PLXNA4: variants seen among roughly 807,000 people sequenced by gnomAD.
The protein encoded by PLXNA4 is plexin A4, also known as plexin-A4.
Under a neutral mutation model 191.8 loss-of-function variants are expected in PLXNA4, and 44 were observed. The ratio of observed to expected loss-of-function variants is 0.23; its 90% CI spans 0.18 to 0.29. The LOEUF (loss-of-function observed/expected upper bound fraction) is 0.29. Ranked by LOEUF, PLXNA4 falls within the 10% of genes least tolerant of loss-of-function variation. The pLI, the probability that PLXNA4 is intolerant of heterozygous loss-of-function variation, is 1.00. For synonymous variants in PLXNA4, 1,082 were observed against 1,009.5 expected (o/e 1.07, Z -1.36); for missense variants, 1,800 against 2,488.8 (o/e 0.72, Z 5.89).
chr7:132,228,047 A>G (rs1798389677), intron 6 of PLXNA4, among the ~76,000 whole-genome samples: 1 of 152,188 alleles, frequency 6.6e-6, no homozygotes, highest in African/African-American at 2.4e-5. Flanking sequence ...AGTTGAAGAT[A>G]TCATTCCCAA....
chr7:132,436,364 G>C (rs570994052), intron 3 of PLXNA4, among the ~76,000 whole-genome samples: 1 of 152,330 alleles, frequency 6.6e-6, no homozygotes, highest in South Asian at 2.1e-4. Flanking sequence ...TAAGGCCATG[G>C]CAACGAACAC....
At chr7:132,613,383 C>A (rs1803090726) in intron 2 of PLXNA4, among the ~76,000 whole-genome samples, 1 of 152,218 alleles carries the variant, frequency 6.6e-6, no homozygotes, top group South Asian at 2.1e-4. Context: ...CTGAATCCTC[C>A]ATATCACAGT....
At chr7:132,365,358 T>C (rs28419208) in intron 3 of PLXNA4, among the ~76,000 whole-genome samples, 8,746 of 133,480 alleles carry the variant, frequency 0.066, 316 homozygotes, top group African/African-American at 0.12. Context: ...TGTGTGTGTG[T>C]GTGCGTGCGC....
rs1803379980 is a variant in PLXNA4 at position 132,626,639 on chromosome 7, AG to A, written c.-87+19288del. ...CACTTTGCTTTCCACCATGTGTAAA[AG>A]CTCCCTGAGCCCTCCCTAGAAGACT... On this transcript the variant is annotated intron_variant, in intron 2 of 4. Transcript: ENST00000378539. Among the ~76,000 whole-genome samples the A allele has an allele frequency of 2.6e-5, 4 of 152,182 alleles. No individual in the cohort carries two copies. In the South Asian group the frequency reaches 8.3e-4, roughly 31 times the overall value.
Position 132,168,380 on chromosome 7 carries a change from C to T in PLXNA4, c.4210G>A (p.Val1404Met). 6.2e-7 allele frequency: 1 copy of T among 1,612,642 alleles called. No individual in the cohort carries two copies. The highest frequency in any genetic ancestry group is 8.5e-7 in the Non-Finnish European group (1 of 1,179,086). The change falls in exon 22 of 32, where the codon GTG becomes ATG. Residue 1404 changes from valine to methionine, a missense_variant. Physicochemically the swap from Val to Met is conservative, Grantham distance 21. This residue lies in a region of PLXNA4 where 1,397 missense variants were observed against 1,880.4 expected (regional missense o/e 0.74). Transcript: ENST00000321063. Reference sequence around the variant, plus strand: ...AGGTCGGCCAGCAGCTGCTTCAGCACATCAGTGGCGTACTCCAGCTTGCTC... The same window carrying T: ...AGGTCGGCCAGCAGCTGCTTCAGCATATCAGTGGCGTACTCCAGCTTGCTC... ...LQSKLEYATDVLKQLLADLID... is the reference protein window; with the variant it reads ...LQSKLEYATDMLKQLLADLID...
chr7:132,483,850 G>A (rs984281477), intron 3 of PLXNA4, among the ~76,000 whole-genome samples: 3 of 152,200 alleles, frequency 2.0e-5, no homozygotes, highest in African/African-American at 7.2e-5. Context: ...ATTTCAATGT[G>A]TGTTTCAGGA....
chr7:132,313,685 G>A (rs1040729724), intron 3 of PLXNA4, among the ~76,000 whole-genome samples: 4 of 152,138 alleles, frequency 2.6e-5, no homozygotes, highest in Admixed American at 1.3e-4. Flanking sequence ...AGGACTGAAT[G>A]TCTGCTGGAT....
chr7:132,165,064 G>A (rs1584783530), intron 23 of PLXNA4, 70 bp downstream of exon 23: 1 of 1,574,924 alleles, frequency 6.3e-7, no homozygotes, highest in East Asian at 2.3e-5. Flanking sequence ...CGGGGGTGTG[G>A]AGCGATCCCC....
chr7:132,597,608 CAT>C (rs1802736889), intron 2 of PLXNA4, among the ~76,000 whole-genome samples: 1 of 134,432 alleles, frequency 7.4e-6, no homozygotes, highest in African/African-American at 2.7e-5. Flanking sequence ...TTCATTCATT[CAT>C]GTATTTATTT....
At chr7:132,307,021 G>A (rs1379414509) in intron 3 of PLXNA4, among the ~76,000 whole-genome samples, 4 of 152,074 alleles carry the variant, frequency 2.6e-5, no homozygotes, top group African/African-American at 9.7e-5. Flanking sequence ...CTTCCTTGTG[G>A]AAGAGCTGCC....
At chr7:132,249,935 T>C (rs1429978832) in intron 4 of PLXNA4, among the ~76,000 whole-genome samples, 1 of 152,130 alleles carries the variant, frequency 6.6e-6, no homozygotes, top group Non-Finnish European at 1.5e-5. Flanking sequence ...AGAATGACAA[T>C]TGGTCTCAGC....
intron 3 of PLXNA4, among the ~76,000 whole-genome samples, chr7:132,339,538 A>T (rs549178962): frequency 6.6e-6 from 1 of 152,222 alleles, no homozygotes. Flanking sequence ...TTTACTGTGT[A>T]CCTACCATAT....
In PLXNA4 at chr7:132,422,831, G is replaced by A. The variant is rs115178980; in HGVS notation, c.1371+66461C>T. ...GGTATTATTACCCCACTGGGCAGAG[G>A]ATCATAAAGATTAAGTAACTCTGGA... On this transcript the variant is annotated intron_variant, in intron 3 of 31. Transcript: ENST00000321063. Among the ~76,000 whole-genome samples, 1,210 of 152,316 alleles carry A rather than the reference G, an allele frequency of 7.9e-3. 20 individuals are homozygous for A. The highest frequency in any genetic ancestry group is 0.028 in the African/African-American group (1,162 of 41,570).
chr7:132,512,294 T>A (rs1798751225), intron 1 of PLXNA4, among the ~76,000 whole-genome samples: 1 of 152,132 alleles, frequency 6.6e-6, no homozygotes, highest in South Asian at 2.1e-4. Flanking sequence ...TACACATGGA[T>A]CCATGGCCAA....
At chr7:132,178,200 A>G (rs1340236193) in intron 20 of PLXNA4, among the ~76,000 whole-genome samples, 2 of 152,148 alleles carry the variant, frequency 1.3e-5, no homozygotes, top group Non-Finnish European at 1.5e-5. Flanking sequence ...AAAGCTGGAG[A>G]TTGCTGAAAT....
At chr7:132,478,117 C>T (rs1585194831) in intron 3 of PLXNA4, among the ~76,000 whole-genome samples, 1 of 152,296 alleles carries the variant, frequency 6.6e-6, no homozygotes, top group African/African-American at 2.4e-5. Context: ...GCCACACTAG[C>T]TCTACTTAAG....
At chr7:132,321,482 G>C (rs555669421) in intron 3 of PLXNA4, among the ~76,000 whole-genome samples, 1 of 151,900 alleles carries the variant, frequency 6.6e-6, no homozygotes, top group Non-Finnish European at 1.5e-5. Context: ...CCCAGGGAAT[G>C]AGCAACTCCC....
intron 15 of PLXNA4, among the ~76,000 whole-genome samples, chr7:132,186,410 T>G (rs1796878909): frequency 6.6e-6 from 1 of 152,148 alleles, no homozygotes; most frequent in South Asian, 2.1e-4. Context: ...AATTGCATTC[T>G]GGGGTAACCT....
chr7:132,447,825 T>TA (rs55973151), intron 3 of PLXNA4, among the ~76,000 whole-genome samples: 22,292 of 149,604 alleles, frequency 0.15, 2,587 homozygotes, highest in African/African-American at 0.31. Context: ...CACCTGTACT[T>TA]AAAAAAAAAA....
Sources: allele counts gnomAD v4.1 joint callset (sites outside exome capture counted in the v4.1 genomes callset), GRCh38; gene constraint gnomAD v4.1.1; regional missense constraint gnomAD v4.1.1; transcripts MANE v1.5; gene names NCBI Gene and HGNC (gene_info 2026-07-23, HGNC 2026-07-21).